PLK4: variants seen among roughly 807,000 people sequenced by gnomAD.
PLK4 encodes serine/threonine-protein kinase PLK4.
PLK4 carries 51 observed loss-of-function variants against 103.0 expected under a neutral mutation model. The observed-to-expected ratio is 0.50, with a 90% confidence interval of 0.40 to 0.63. The LOEUF (loss-of-function observed/expected upper bound fraction) is 0.63, where lower values mean the gene tolerates loss of function less well. PLK4 is among the 20% of genes least tolerant of loss of function. The pLI is 0.00. For missense variants in PLK4, 1,054 were observed against 1,151.0 expected (o/e 0.92, Z 1.22); for synonymous variants, 389 against 376.8 (o/e 1.03, Z -0.38).
At chr4:127,896,284 T>C (rs1012517940) in intron 14 of PLK4, among the ~76,000 whole-genome samples, 1 of 152,286 alleles carries the variant, frequency 6.6e-6, no homozygotes, top group East Asian at 1.9e-4. Context: ...TTGGCGTCCA[T>C]GTACTATGCA....
chr4:127,882,918 TAAAA>T (rs571210855), intron 2 of PLK4, among the ~76,000 whole-genome samples: 1 of 146,586 alleles, frequency 6.8e-6, no homozygotes, highest in African/African-American at 2.5e-5. Flanking sequence ...ACCCTGCCTT[TAAAA>T]AAAAAAAATC....
rs759361104 is a variant in PLK4 at position 127,890,131 on chromosome 4, T to A, written c.1725T>A (p.Gly575=). 1 of 1,613,900 alleles carries A rather than the reference T, an allele frequency of 6.2e-7. No homozygotes were observed. The highest frequency in any genetic ancestry group is 8.5e-7 in the Non-Finnish European group (1 of 1,179,776). ...TTTCTGAACAGAGCAAGACTAGGGG[T>A]ATGGAGCCACCATGGGGTTATCAGA... The part of the protein sequence containing the change: ...DPLSEQSKTR[G]MEPPWGYQNR... Residue 575 remains glycine, a synonymous_variant, in exon 7 of 16, where the codon GGT becomes GGA. Coordinates refer to ENST00000270861, the MANE Select transcript of PLK4 (RefSeq NM_014264.5).
At chr4:127,890,318 G>A (rs1282286896) in intron 7 of PLK4, 82 bp downstream of exon 7, 2 of 1,121,600 alleles carry the variant, frequency 1.8e-6, no homozygotes, top group African/African-American at 1.6e-5. Flanking sequence ...TTAGTCCTCT[G>A]TAATGTCCTT....
intron 13 of PLK4, 145 bp from the exon 14 acceptor site, chr4:127,894,808 C>T (rs1735500439): frequency 5.7e-6 from 3 of 529,798 alleles, no homozygotes; most frequent in Non-Finnish European, 9.7e-6. Context: ...TTCTAATTTC[C>T]AATAATGTGG....
intron 6 of PLK4, among the ~76,000 whole-genome samples, chr4:127,888,205 A>AAAAAAAAAAAAAAC (rs1189271793): frequency 7.1e-6 from 1 of 141,274 alleles, no homozygotes; most frequent in Non-Finnish European, 1.5e-5. Flanking sequence ...AAAAAAAAAA[A>AAAAAAAAAAAAAAC]AAAAAAAGCA....
At position 127,897,310 on chromosome 4, in the gene PLK4, C is replaced by T. The variant is rs1046420611; in HGVS notation, c.2810+403C>T. On this transcript the variant is annotated intron_variant, in intron 15 of 15. Transcript: ENST00000270861. The stretch of plus-strand genomic sequence containing the variant: ...TTTCCCAAATGAAAGGCTATATCCC[C>T]AATCTAATGTAACGTGATTAATGTT... Among the ~76,000 whole-genome samples, 4 of 152,174 alleles carry T rather than the reference C, an allele frequency of 2.6e-5. No homozygotes were observed. In the South Asian group the frequency reaches 6.2e-4, roughly 24 times the overall value.
At chr4:127,883,148 A>C (rs893171516) in intron 2 of PLK4, 114 bp from the exon 3 acceptor site, 2 of 614,112 alleles carry the variant, frequency 3.3e-6, no homozygotes, top group African/African-American at 3.7e-5. Flanking sequence ...TAGGTTGACC[A>C]CAAAGACGTA....
rs147573335 is a variant in PLK4, at chr4:127,891,635, C to T, written c.1992C>T (p.Pro664=). Residue 664 remains proline (P), a synonymous_variant, in exon 9 of 16, where the codon CCC becomes CCT. Coordinates refer to ENST00000270861, the MANE Select transcript of PLK4 (RefSeq NM_014264.5). The stretch of plus-strand genomic sequence containing the variant: ...GTTTTCCTCTTGCTGATAGACCACC[C>T]TCACCTACTGACAACATCAGTAGGT... ...GRGFPLADRP[P]SPTDNISRYS... The T allele has an allele frequency of 6.4e-7, 1 of 1,553,142 alleles. No individual in the cohort carries two copies. Among genetic ancestry groups the T allele is most frequent in the Non-Finnish European group, 8.7e-7 (1 of 1,143,546 alleles).
At chr4:127,897,046 C>T in intron 15 of PLK4, 139 bp downstream of exon 15, 2 of 562,904 alleles carry the variant, frequency 3.6e-6, no homozygotes, top group South Asian at 4.3e-5. Flanking sequence ...GTTAATTATT[C>T]TTAGCAATTC....
Position 127,895,042 on chromosome 4 carries a change from A to G in PLK4, c.2652A>G (p.Ser884=), listed in dbSNP as rs375142295. 6.2e-7 allele frequency: 1 copy of G among 1,612,660 alleles called. No homozygotes were observed. Among genetic ancestry groups the G allele is most frequent in the South Asian group, 1.1e-5 (1 of 90,884 alleles). The change falls in exon 14 of 16, where the codon TCA becomes TCG. Residue 884 remains serine (S), a synonymous_variant. Transcript: ENST00000270861. The part of the protein sequence containing the change: ...SNSLKDCLPK[S]AQLLKSVFVK... ...GTCTAAAAGATTGTCTTCCTAAATC[A>G]GCACAACTTTTGAAATCTGTTTTTG...
chr4:127,884,666 C>T (rs1233215390), intron 4 of PLK4, among the ~76,000 whole-genome samples: 1 of 152,018 alleles, frequency 6.6e-6, no homozygotes, highest in Non-Finnish European at 1.5e-5. Context: ...TAGCCGGGCA[C>T]GGTGGCTCAT....
intron 1 of PLK4, 135 bp downstream of exon 1, chr4:127,881,299 G>T (rs1578748323): frequency 6.5e-7 from 1 of 1,537,168 alleles, no homozygotes. Context: ...GGGTCCCAAC[G>T]GCCCAGACCC....
Position 127,886,443 on chromosome 4 carries a change from G to A in PLK4, c.1073G>A (p.Gly358Glu), listed in dbSNP as rs756866065. 1 of 1,614,126 alleles carries A rather than the reference G, an allele frequency of 6.2e-7. No individual in the cohort carries two copies. Among genetic ancestry groups the A allele is most frequent in the East Asian group, 2.2e-5 (1 of 44,870 alleles). ...CAAGAAACCAGTAATAGTGGAAGGG[G>A]AAGAGTAATTCAAGATGCAGAAGAA... Reference protein sequence around the residue: ...GNQETSNSGRGRVIQDAEERP... With the variant: ...GNQETSNSGRERVIQDAEERP... The change falls in exon 5 of 16, where the codon GGA becomes GAA. Residue 358 changes from glycine to glutamate, a missense_variant. Physicochemically the swap from Gly to Glu is moderately conservative, Grantham distance 98 (BLOSUM62 -2). Around this residue, in one of 4 missense-constraint regions of PLK4, gnomAD observed 680 missense variants for 660.3 expected, o/e 1.03. Coordinates refer to ENST00000270861, the MANE Select transcript of PLK4 (RefSeq NM_014264.5).
chr4:127,885,738 G>A lies in PLK4; in HGVS notation c.368G>A (p.Gly123Glu). ...CACTTCATGCACCAGATCATCACAG[G>A]GATGTTGTATCTTCATTCTCATGGT... is the stretch of plus-strand genomic sequence containing the variant. ...ARHFMHQIIT[G>E]MLYLHSHGIL... The change falls in exon 5 of 16, where the codon GGG (glycine) becomes GAG (glutamate). Residue 123 changes from glycine (G) to glutamate (E), a missense_variant. Gly to Glu is a moderately conservative substitution (Grantham distance 98). Transcript: ENST00000270861. 1 of 1,612,716 alleles carries A rather than the reference G, an allele frequency of 6.2e-7. No individual in the cohort carries two copies. The highest frequency in any genetic ancestry group is 8.5e-7 in the Non-Finnish European group (1 of 1,179,342).
intron 6 of PLK4, among the ~76,000 whole-genome samples, chr4:127,889,385 T>C (rs1233863180): frequency 6.6e-6 from 1 of 152,158 alleles, no homozygotes; most frequent in Admixed American, 6.5e-5. Flanking sequence ...GCTGTTCATA[T>C]AGTGTTTTTG....
chr4:127,882,630 A>T (rs1183422668), intron 2 of PLK4, among the ~76,000 whole-genome samples: 1 of 152,106 alleles, frequency 6.6e-6, no homozygotes. Flanking sequence ...GTGGTGCTGC[A>T]CACCTGTAAT....
Position 127,889,929 on chromosome 4 carries a change from C to T in PLK4, c.1523C>T (p.Pro508Leu), listed in dbSNP as rs567342023. The T allele has an allele frequency of 6.2e-7, 1 of 1,613,684 alleles. No individual in the cohort carries two copies. Among genetic ancestry groups the T allele is most frequent in the South Asian group, 1.1e-5 (1 of 91,056 alleles). The change falls in exon 7 of 16, where the codon CCA becomes CTA. Residue 508 changes from proline (P) to leucine (L), a missense_variant. Around this residue, in one of 4 missense-constraint regions of PLK4, gnomAD observed 680 missense variants for 660.3 expected, o/e 1.03. Coordinates refer to ENST00000270861, the MANE Select transcript of PLK4 (RefSeq NM_014264.5). ...ISPNRDFQGH[P>L]DLQKDTSKNA... ...CCAAACCGGGACTTCCAGGGCCATC[C>T]AGATTTGCAGAAGGACACATCAAAA... is the stretch of plus-strand genomic sequence containing the variant.
intron 14 of PLK4, among the ~76,000 whole-genome samples, 182 bp from the exon 15 acceptor site, chr4:127,896,619 A>T (rs980541117): frequency 6.6e-6 from 1 of 152,162 alleles, no homozygotes; most frequent in African/African-American, 2.4e-5. Flanking sequence ...GTGCTCTGCC[A>T]TCGTAGCCCC....
intron 6 of PLK4, among the ~76,000 whole-genome samples, chr4:127,889,500 A>G (rs1449486911): frequency 6.6e-6 from 1 of 152,178 alleles, no homozygotes; most frequent in East Asian, 1.9e-4. Context: ...CTCATGTAGA[A>G]TGATTACTTG....
Sources: allele counts gnomAD v4.1 joint callset (sites outside exome capture counted in the v4.1 genomes callset), GRCh38; gene constraint gnomAD v4.1.1; regional missense constraint gnomAD v4.1.1; transcripts MANE v1.5; gene names NCBI Gene and HGNC (gene_info 2026-07-23, HGNC 2026-07-21).